PLCL1: variants seen among roughly 807,000 people sequenced by gnomAD.
PLCL1 encodes inactive phospholipase C-like protein 1.
PLCL1 carries 41 observed loss-of-function variants against 84.4 expected under a neutral mutation model. That is an observed-to-expected ratio of 0.49 (90% CI 0.38 to 0.63). The LOEUF (loss-of-function observed/expected upper bound fraction) is 0.63. PLCL1 is among the 30% of genes least tolerant of loss of function. PLCL1 has a pLI of 0.00. For missense variants in PLCL1, 1,206 were observed against 1,367.8 expected, an observed-to-expected ratio of 0.88 and a Z score of 1.87; for synonymous variants, 490 against 488.3, an observed-to-expected ratio of 1.00 and a Z score of -0.05.
At chr2:197,826,132 T>G (rs955156720) in intron 1 of PLCL1, among the ~76,000 whole-genome samples, 1 of 152,218 alleles carries the variant, frequency 6.6e-6, no homozygotes, top group Non-Finnish European at 1.5e-5. Flanking sequence ...GAAGCAGTCC[T>G]ATCGGCTGCC....
At chr2:197,890,107 A>C (rs529434571) in intron 1 of PLCL1, among the ~76,000 whole-genome samples, 2 of 152,302 alleles carry the variant, frequency 1.3e-5, no homozygotes, top group African/African-American at 4.8e-5. Flanking sequence ...GTGAGAGAAG[A>C]GCCAACAGGG....
chr2:197,913,467 C>G (rs202136373), intron 1 of PLCL1, among the ~76,000 whole-genome samples: 2 of 152,146 alleles, frequency 1.3e-5, no homozygotes, highest in East Asian at 3.8e-4. Flanking sequence ...TCATGAGAAA[C>G]GATTAGGTTC....
Position 197,805,284 on chromosome 2 carries a change from A to G in PLCL1, c.185A>G (p.Glu62Gly). 1 of 1,288,372 alleles carries G rather than the reference A, an allele frequency of 7.8e-7. No homozygotes were observed. The highest frequency in any genetic ancestry group is 9.8e-7 in the Non-Finnish European group (1 of 1,019,854). The allele number at this position is 1,288,372 out of a possible 1,614,324, so 79.8% of individuals were successfully genotyped here. Residue 62 changes from glutamate to glycine, a missense_variant, in exon 1 of 6, where the codon GAG becomes GGG. By Grantham distance (98) the Glu-to-Gly change is moderately conservative. Coordinates refer to ENST00000428675, the MANE Select transcript of PLCL1 (RefSeq NM_006226.4). This position sits in a 1 kb window ranked among gnomAD's most constrained non-coding sequence, Gnocchi z 4.0. ...GCCGCGGGGACCCCAGCGGACAGCG[A>G]GGCGGGCCTCCTGGAGGCAGCACGG... The part of the protein sequence containing the change: ...PGAAGTPADS[E>G]AGLLEAARAT...
At chr2:198,077,414 T>C (rs1400340405) in intron 1 of PLCL1, among the ~76,000 whole-genome samples, 1 of 152,200 alleles carries the variant, frequency 6.6e-6, no homozygotes, top group Non-Finnish European at 1.5e-5. Context: ...GCTTAACTGC[T>C]GAATTCAGTA....
chr2:198,148,380 T>C lies in PLCL1; in HGVS notation c.*1418T>C, dbSNP rs1365708314. The C allele has an allele frequency of 1.3e-5, 2 of 152,336 alleles. No individual in the cohort carries two copies. The highest frequency in any genetic ancestry group is 2.9e-5 in the Non-Finnish European group (2 of 68,036). The allele number at this position is 152,336 out of a possible 1,614,324, so 9.4% of individuals were successfully genotyped here. ...CTATTATGTTTATGTTGCACATTAC[T>C]GAAAGAGTAAAGATATGAAAAAAAC... On this transcript the variant is annotated 3_prime_UTR_variant, in exon 6 of 6. Transcript: ENST00000428675.
chr2:197,991,948 ATTTCTCCTGGTTCG>A (rs1396105965), intron 1 of PLCL1, among the ~76,000 whole-genome samples: 1 of 151,404 alleles, frequency 6.6e-6, no homozygotes, highest in Non-Finnish European at 1.5e-5. Flanking sequence ...GGGTGAAAAC[ATTTCTCCTGGTTCG>A]TCTCTCCTGA....
chr2:197,928,671 G>A (rs999665328), intron 1 of PLCL1, among the ~76,000 whole-genome samples: 1 of 152,168 alleles, frequency 6.6e-6, no homozygotes, highest in African/African-American at 2.4e-5. Context: ...TGATGGAAGT[G>A]TATCCTTGAA....
intron 1 of PLCL1, among the ~76,000 whole-genome samples, chr2:198,025,865 A>T (rs1691251854): frequency 6.6e-6 from 1 of 152,116 alleles, no homozygotes; most frequent in Non-Finnish European, 1.5e-5. Context: ...AAATTTTAAG[A>T]TTGTGAATTT....
At chr2:197,817,714 C>T (rs904384333) in intron 1 of PLCL1, among the ~76,000 whole-genome samples, 1 of 151,960 alleles carries the variant, frequency 6.6e-6, no homozygotes, top group Non-Finnish European at 1.5e-5. Flanking sequence ...TTAAGCTTGA[C>T]CAGTAGTTGA....
rs376903801 is a variant in PLCL1 at position 197,913,475 on chromosome 2, T to A, written c.240+108136T>A. 5.9e-5 allele frequency among the ~76,000 whole-genome samples: 9 copies of A among 152,324 alleles called. No homozygotes were observed. In the East Asian group the frequency reaches 1.5e-3, roughly 26 times the overall value. ...CAATGTGTCATGAGAAACGATTAGG[T>A]TCTTTCAATAAATAACATTTACCCA... On this transcript the variant is annotated intron_variant, in intron 1 of 5. Coordinates refer to ENST00000428675, the MANE Select transcript of PLCL1 (RefSeq NM_006226.4).
intron 1 of PLCL1, among the ~76,000 whole-genome samples, chr2:197,989,614 G>A (rs1690294695): frequency 6.6e-6 from 1 of 152,062 alleles, no homozygotes. Flanking sequence ...TGAGGCATGA[G>A]AATCATCTGA....
At chr2:197,890,330 G>C (rs1372373507) in intron 1 of PLCL1, among the ~76,000 whole-genome samples, 1 of 152,120 alleles carries the variant, frequency 6.6e-6, no homozygotes, top group Admixed American at 6.5e-5. Flanking sequence ...ACAGTTGTGA[G>C]AGCCAGTTGC....
chr2:198,072,626 G>A (rs1379243482), intron 1 of PLCL1, among the ~76,000 whole-genome samples: 2 of 151,838 alleles, frequency 1.3e-5, no homozygotes, highest in African/African-American at 4.8e-5. Flanking sequence ...ATTCTGAAAT[G>A]GTTTTGATTA....
At chr2:198,055,294 C>CCTCTCTCT (rs772260935) in intron 1 of PLCL1, among the ~76,000 whole-genome samples, 1,254 of 120,242 alleles carry the variant, frequency 0.01, 18 homozygotes, top group Non-Finnish European at 0.011. Flanking sequence ...CTGGTCAAAG[C>CCTCTCTCT]CTCTCTCTCT....
chr2:197,938,537 CT>C (rs1311639800), intron 1 of PLCL1, among the ~76,000 whole-genome samples: 4 of 152,146 alleles, frequency 2.6e-5, no homozygotes, highest in Non-Finnish European at 5.9e-5. Context: ...GGGTCTTTAG[CT>C]TTTTTGGGTT....
chr2:197,989,130 T>C (rs1466611344), intron 1 of PLCL1, among the ~76,000 whole-genome samples: 1 of 152,168 alleles, frequency 6.6e-6, no homozygotes, highest in Non-Finnish European at 1.5e-5. Context: ...AAACAAAATA[T>C]TTGATGAAAA....
chr2:197,839,503 G>GA (rs1686941366), intron 1 of PLCL1, among the ~76,000 whole-genome samples: 1 of 152,208 alleles, frequency 6.6e-6, no homozygotes, highest in Admixed American at 6.5e-5. Flanking sequence ...TGCTGCCACT[G>GA]GTCTGACAGG....
intron 1 of PLCL1, among the ~76,000 whole-genome samples, chr2:197,999,832 T>G (rs1046404226): frequency 2.6e-5 from 4 of 152,152 alleles, no homozygotes; most frequent in African/African-American, 4.8e-5. Flanking sequence ...CTACATATTG[T>G]ATATGTAATA....
At chr2:198,114,794 A>T (rs1471484729) in intron 5 of PLCL1, among the ~76,000 whole-genome samples, 1 of 44,382 alleles carries the variant, frequency 2.3e-5, no homozygotes, top group African/African-American at 5.4e-5. Flanking sequence ...CACTTCTCTG[A>T]ATGTGTGTGT....
Sources: allele counts gnomAD v4.1 joint callset (sites outside exome capture counted in the v4.1 genomes callset), GRCh38; gene constraint gnomAD v4.1.1; non-coding constraint Gnocchi (gnomAD v3.1); transcripts MANE v1.5; gene names NCBI Gene and HGNC (gene_info 2026-07-23, HGNC 2026-07-21).